The following ANKRD11 variants were observed in gnomAD, a reference collection of about 807,000 sequenced individuals.
The protein encoded by ANKRD11 is ankyrin repeat domain-containing protein 11.
Under a neutral mutation model 195.7 loss-of-function variants are expected in ANKRD11, and 17 were observed. That is an observed-to-expected ratio of 0.09 (90% confidence interval 0.06 to 0.13). ANKRD11 has a LOEUF of 0.13. ANKRD11 is among the 10% of genes least tolerant of loss of function. The pLI is 1.00. For synonymous variants in ANKRD11, 1,953 were observed against 1,528.1 expected, an observed-to-expected ratio of 1.28 and a Z score of -6.49; for missense variants, 3,735 against 3,566.1, an observed-to-expected ratio of 1.05 and a Z score of -1.21.
At position 89,291,061 on chromosome 16, in the gene ANKRD11, C is replaced by G; in HGVS notation, c.349G>C (p.Val117Leu). ...GCCGTCATCTGCATGAGAAGGGCCA[C>G]CTGCTGGCGCTCGGAGAGGGGGTAG... Reference protein sequence around the residue: ...AGYPLSERQQVALLMQMTAEE... With the variant: ...AGYPLSERQQLALLMQMTAEE... The change falls in exon 5 of 13, where the codon GTG (valine) becomes CTG (leucine). Residue 117 changes from valine to leucine, a missense_variant. Transcript: ENST00000301030. The surrounding 1 kb of genome is among the most constrained non-coding windows in gnomAD (Gnocchi z 5.3). The G allele has an allele frequency of 6.2e-7, 1 of 1,613,408 alleles. No individual in the cohort carries two copies. Among genetic ancestry groups the G allele is most frequent in the Non-Finnish European group, 8.5e-7 (1 of 1,179,876 alleles).
At chr16:89,462,388 T>G (rs1162388081) in intron 1 of ANKRD11, among the ~76,000 whole-genome samples, 1 of 152,202 alleles carries the variant, frequency 6.6e-6, no homozygotes, top group Non-Finnish European at 1.5e-5. Flanking sequence ...GTGCCCAGGC[T>G]GGAGTGCAGT....
At chr16:89,419,465 A>G (rs568963185) in intron 1 of ANKRD11, among the ~76,000 whole-genome samples, 87 of 152,190 alleles carry the variant, frequency 5.7e-4, no homozygotes, top group Admixed American at 1.2e-3. Context: ...AAAAAAAAAA[A>G]AAGGCAGCTG....
At chr16:89,487,445 T>C (rs987330940) in intron 1 of ANKRD11, among the ~76,000 whole-genome samples, 16 of 152,244 alleles carry the variant, frequency 1.1e-4, no homozygotes, top group African/African-American at 3.1e-4. Context: ...TTATATTTGA[T>C]GAAGCATAAC....
chr16:89,490,116 C>T (rs915357062), intron 1 of ANKRD11, 129 bp downstream of exon 1: 1 of 144,280 alleles, frequency 6.9e-6, no homozygotes, highest in African/African-American at 2.5e-5. Context: ...CACCCGGCCC[C>T]GACCCCCCAG....
chr16:89,457,369 T>C (rs1597467909), intron 1 of ANKRD11, among the ~76,000 whole-genome samples: 1 of 150,492 alleles, frequency 6.6e-6, no homozygotes, highest in Non-Finnish European at 1.5e-5. Context: ...GAGGATGAGG[T>C]GGGCAGATCA....
chr16:89,325,407 C>T lies in ANKRD11; in HGVS notation c.-59-8329G>A, dbSNP rs145843932. ...AAGCCAAGATCATGCCACTGTACTC[C>T]AGCCCGGGCGTCAGAGCCAGACCCT... is the stretch of plus-strand genomic sequence containing the variant. On this transcript the variant is annotated intron_variant, in intron 2 of 12. Coordinates refer to ENST00000301030, the MANE Select transcript of ANKRD11 (RefSeq NM_013275.6). 5.3e-5 allele frequency among the ~76,000 whole-genome samples: 8 copies of T among 151,954 alleles called. No homozygotes were observed. In the East Asian group the frequency reaches 1.6e-3, roughly 29 times the overall value.
At chr16:89,290,517 A>G (rs995181679) in intron 6 of ANKRD11, 108 bp downstream of exon 6, 4 of 1,046,204 alleles carry the variant, frequency 3.8e-6, no homozygotes, top group African/African-American at 3.6e-5. Flanking sequence ...TCAGGGCTCC[A>G]ATGGGGGGAG....
At position 89,484,276 on chromosome 16, in the gene ANKRD11, G is replaced by A. The variant is rs1187569015; in HGVS notation, c.-145+5969C>T. Among the ~76,000 whole-genome samples the A allele has an allele frequency of 2.0e-5, 3 of 152,032 alleles. No individual in the cohort carries two copies. The East Asian group carries it at 5.8e-4, about 29-fold the overall frequency. On this transcript the variant is annotated intron_variant, in intron 1 of 12. Transcript: ENST00000301030. ...GTAAAACCACATCTAGAAACATGGTGGATACTAACAAAGCTTGATTTCTTA... is the reference window on the plus strand; with the variant it reads ...GTAAAACCACATCTAGAAACATGGTAGATACTAACAAAGCTTGATTTCTTA...
Position 89,267,808 on chromosome 16 carries a change from G to C in ANKRD11, c.*670C>G, listed in dbSNP as rs2032757494. 1 of 151,318 alleles carries C rather than the reference G, an allele frequency of 6.6e-6. No homozygotes were observed. Among genetic ancestry groups the C allele is most frequent in the African/African-American group, 2.4e-5 (1 of 40,966 alleles). 9.4% of individuals were successfully genotyped at this position (151,318 alleles called of 1,614,324 possible). On this transcript the variant is annotated 3_prime_UTR_variant, in exon 13 of 13. Transcript: ENST00000301030. ...CGGATACACTTTTTATATGATTATT[G>C]GCTCTGTAGTGTTTCAAGTTACGTT... is the stretch of plus-strand genomic sequence containing the variant.
chr16:89,274,115 A>T (rs965501449), intron 11 of ANKRD11, among the ~76,000 whole-genome samples: 3 of 152,216 alleles, frequency 2.0e-5, no homozygotes, highest in African/African-American at 7.2e-5. Context: ...TTTCTGAGGC[A>T]GGAGTCCCTG....
At chr16:89,398,577 C>G (rs1266800636) in intron 2 of ANKRD11, among the ~76,000 whole-genome samples, 2 of 151,918 alleles carry the variant, frequency 1.3e-5, no homozygotes, top group African/African-American at 2.4e-5. Flanking sequence ...TTTAACAAAA[C>G]AATAAAAAAA....
intron 3 of ANKRD11, among the ~76,000 whole-genome samples, chr16:89,316,513 T>C (rs1597604946): frequency 6.6e-6 from 1 of 152,178 alleles, no homozygotes; most frequent in East Asian, 1.9e-4. Context: ...AATGCAGTGG[T>C]TTTGATTGGC....
At chr16:89,442,188 C>A (rs1266314185) in intron 1 of ANKRD11, among the ~76,000 whole-genome samples, 1 of 152,200 alleles carries the variant, frequency 6.6e-6, no homozygotes, top group Admixed American at 6.5e-5. Context: ...GGGAGGACAC[C>A]CCAGCTGACA....
chr16:89,395,416 G>C (rs988929326), intron 2 of ANKRD11, among the ~76,000 whole-genome samples: 1 of 152,372 alleles, frequency 6.6e-6, no homozygotes, highest in Non-Finnish European at 1.5e-5. Flanking sequence ...GGCATGCAAA[G>C]ATCAAAGAGA....
chr16:89,303,082 G>T (rs1295461824), intron 4 of ANKRD11, among the ~76,000 whole-genome samples: 2 of 152,298 alleles, frequency 1.3e-5, no homozygotes, highest in South Asian at 2.1e-4. Context: ...GACCTGAGCA[G>T]CCAGATGGGG....
At chr16:89,337,007 CAAAAAAAAA>C (rs60248736) in intron 2 of ANKRD11, among the ~76,000 whole-genome samples, 31 of 47,742 alleles carry the variant, frequency 6.5e-4, no homozygotes, top group African/African-American at 1.5e-3. Context: ...CTGGCTCTAC[CAAAAAAAAA>C]AAAAAAAAAA....
At chr16:89,436,572 C>G (rs1428842358) in intron 1 of ANKRD11, among the ~76,000 whole-genome samples, 1 of 152,170 alleles carries the variant, frequency 6.6e-6, no homozygotes, top group East Asian at 1.9e-4. Context: ...GACGGCTGTT[C>G]CGCAAGAGCA....
At chr16:89,405,097 C>A (rs1179781463) in intron 2 of ANKRD11, among the ~76,000 whole-genome samples, 1 of 152,160 alleles carries the variant, frequency 6.6e-6, no homozygotes, top group Non-Finnish European at 1.5e-5. Context: ...CAACTGCCCA[C>A]ACCAGTTAAC....
intron 1 of ANKRD11, chr16:89,489,222 C>T (rs1291887310): frequency 1.9e-5 from 2 of 104,316 alleles, no homozygotes; most frequent in African/African-American, 3.2e-5. Flanking sequence ...CACACACACA[C>T]ACACGCGCGC....
Sources: allele counts gnomAD v4.1 joint callset (sites outside exome capture counted in the v4.1 genomes callset), GRCh38; gene constraint gnomAD v4.1.1; non-coding constraint Gnocchi (gnomAD v3.1); transcripts MANE v1.5; gene names NCBI Gene and HGNC (gene_info 2026-07-23, HGNC 2026-07-21).